The following SGCD variants were observed in gnomAD, a reference collection of about 807,000 sequenced individuals.
SGCD encodes sarcoglycan delta.
SGCD carries 18 observed loss-of-function variants against 36.6 expected under a neutral mutation model. That is an observed-to-expected ratio of 0.49 (90% CI 0.34 to 0.73). SGCD has a LOEUF of 0.73. Ranked by LOEUF, SGCD falls within the 30% of genes least tolerant of loss-of-function variation. The pLI is 0.01. For synonymous variants in SGCD, 133 were observed against 130.6 expected (o/e 1.02, Z -0.12); for missense variants, 387 against 346.7 (o/e 1.12, Z -0.92).
At chr5:156,365,563 G>GTGCAGTGT (rs1403620795) in intron 3 of SGCD, among the ~76,000 whole-genome samples, 1 of 152,102 alleles carries the variant, frequency 6.6e-6, no homozygotes, top group Non-Finnish European at 1.5e-5. Context: ...TTGTTTTTGA[G>GTGCAGTGT]TTCATCTGCA....
intron 7 of SGCD, among the ~76,000 whole-genome samples, chr5:156,755,840 AG>A (rs961896508): frequency 6.6e-6 from 1 of 152,098 alleles, no homozygotes; most frequent in Non-Finnish European, 1.5e-5. Flanking sequence ...GAGTCATTGT[AG>A]GGGGGGACAA....
intron 4 of SGCD, among the ~76,000 whole-genome samples, chr5:156,534,734 G>A (rs146717645): frequency 4.6e-4 from 70 of 152,292 alleles, no homozygotes; most frequent in African/African-American, 1.5e-3. Context: ...CATATTACCT[G>A]ACATCTTAGT....
At chr5:156,594,911 C>A (rs755231451) in intron 5 of SGCD, 21 bp from the exon 6 acceptor site, 1 of 1,532,036 alleles carries the variant, frequency 6.5e-7, no homozygotes, top group East Asian at 2.3e-5. Context: ...CTCTATCTCT[C>A]TATCTCTCTA....
chr5:156,341,029 G>T (rs777860870), intron 2 of SGCD, among the ~76,000 whole-genome samples: 1 of 152,168 alleles, frequency 6.6e-6, no homozygotes, highest in Non-Finnish European at 1.5e-5. Context: ...ATTTTAATGA[G>T]TTGGAGACTG....
chr5:155,899,516 A>T, intron 1 of SGCD, among the ~76,000 whole-genome samples: 1 of 152,190 alleles, frequency 6.6e-6, no homozygotes, highest in East Asian at 1.9e-4. Flanking sequence ...ATGCACATTA[A>T]TTAACACTTC....
intron 3 of SGCD, among the ~76,000 whole-genome samples, chr5:156,216,695 G>T (rs564824331): frequency 3.3e-5 from 5 of 152,140 alleles, no homozygotes; most frequent in Admixed American, 6.5e-5. Flanking sequence ...AAAAACATGT[G>T]TTATAGGGAT....
intron 3 of SGCD, among the ~76,000 whole-genome samples, chr5:156,236,994 G>A (rs376681418): frequency 7.8e-4 from 118 of 151,700 alleles, no homozygotes; most frequent in Middle Eastern, 6.8e-3. Flanking sequence ...CCACCATGCC[G>A]GACTAACTTT....
At chr5:156,756,897 TG>T (rs1757355752) in intron 7 of SGCD, among the ~76,000 whole-genome samples, 2 of 152,306 alleles carry the variant, frequency 1.3e-5, no homozygotes, top group South Asian at 2.1e-4. Context: ...ACAGCTGCAT[TG>T]AAGGTTAAGG....
chr5:155,751,074 CTG>C, the SGCD span, among the ~76,000 whole-genome samples: 34 of 152,256 alleles, frequency 2.2e-4, no homozygotes, highest in African/African-American at 7.9e-4. Context: ...GATTCTTTGA[CTG>C]TTTTATATTC....
chr5:156,625,384 T>C (rs1310029551), intron 6 of SGCD, among the ~76,000 whole-genome samples: 1 of 152,180 alleles, frequency 6.6e-6, no homozygotes, highest in African/African-American at 2.4e-5. Context: ...TAATGTATGT[T>C]TGTCTTTGAT....
the SGCD span, among the ~76,000 whole-genome samples, chr5:155,846,428 G>C: frequency 3.3e-5 from 5 of 152,112 alleles, no homozygotes; most frequent in Non-Finnish European, 7.3e-5. Flanking sequence ...CTCACTCTGA[G>C]TTATATGTGT....
intron 7 of SGCD, among the ~76,000 whole-genome samples, chr5:156,654,072 A>G (rs1763579375): frequency 6.6e-6 from 1 of 152,134 alleles, no homozygotes; most frequent in Non-Finnish European, 1.5e-5. Flanking sequence ...CTAAAAATCA[A>G]CTGACAGCAG....
rs559483068 is a variant in SGCD, at chr5:156,488,098, G to GTT, written c.193-20478_193-20477dup. 3.3e-3 allele frequency among the ~76,000 whole-genome samples: 301 copies of GTT among 92,496 alleles called. 7 individuals are homozygous for GTT. Among genetic ancestry groups the GTT allele is most frequent in the East Asian group, 0.028 (90 of 3,192 alleles). 60.7% of individuals were successfully genotyped at this position (92,496 alleles called of 152,430 possible). A position where few individuals can be genotyped will look rare whatever the true frequency, so the allele number is the denominator to read the frequency against. ...AAAGAACTTCTGAACTTGAAGACAGGTTTTTTTTTTTTTTTTTTTTTTTTT... is the reference window on the plus strand; with the variant it reads ...AAAGAACTTCTGAACTTGAAGACAGGTTTTTTTTTTTTTTTTTTTTTTTTTTT... On this transcript the variant is annotated intron_variant, in intron 3 of 8. Transcript: ENST00000337851.
chr5:156,623,166 C>T (rs914537262), intron 6 of SGCD, among the ~76,000 whole-genome samples: 12 of 151,808 alleles, frequency 7.9e-5, no homozygotes, highest in African/African-American at 1.2e-4. Flanking sequence ...TCCTTATATA[C>T]GTGTGTATGT....
At chr5:155,832,140 C>T in the SGCD span, among the ~76,000 whole-genome samples, 1 of 152,134 alleles carries the variant, frequency 6.6e-6, no homozygotes, top group East Asian at 1.9e-4. Flanking sequence ...CATGTTTCAT[C>T]TCAAAAAAGT....
intron 3 of SGCD, among the ~76,000 whole-genome samples, chr5:156,476,153 T>C (rs566484962): frequency 1.3e-5 from 2 of 152,312 alleles, no homozygotes; most frequent in Admixed American, 6.5e-5. Context: ...GTCCCCTACA[T>C]GGCTGTTTCT....
At chr5:156,561,759 C>G (rs191231347) in intron 4 of SGCD, among the ~76,000 whole-genome samples, 6 of 151,864 alleles carry the variant, frequency 4.0e-5, no homozygotes, top group Non-Finnish European at 7.4e-5. Context: ...TTTTTTTATT[C>G]TTTTTCATGT....
chr5:156,646,147 C>T (rs1237900792), intron 6 of SGCD, among the ~76,000 whole-genome samples: 4 of 152,132 alleles, frequency 2.6e-5, no homozygotes, highest in African/African-American at 4.8e-5. Context: ...GGCCAAAGCC[C>T]AGCAAGAACA....
At chr5:156,076,414 A>C (rs1372389617) in intron 1 of SGCD, among the ~76,000 whole-genome samples, 1 of 152,096 alleles carries the variant, frequency 6.6e-6, no homozygotes, top group Non-Finnish European at 1.5e-5. Context: ...GTATGATATA[A>C]AACCTTACCA....
Sources: gnomAD v4.1 joint callset for allele counts (sites outside exome capture counted in the v4.1 genomes callset) on GRCh38, gnomAD v4.1.1 for gene constraint, MANE v1.5 for transcripts, NCBI Gene and HGNC (gene_info 2026-07-23, HGNC 2026-07-21) for gene names.